The following EPB41L2 variants were observed in gnomAD, a reference collection of about 807,000 sequenced individuals.
EPB41L2 encodes the protein erythrocyte membrane protein band 4.1 like 2.
EPB41L2 carries 43 observed loss-of-function variants against 113.0 expected under a neutral mutation model. The observed-to-expected ratio is 0.38, with a 90% CI of 0.30 to 0.49. The LOEUF (loss-of-function observed/expected upper bound fraction) is 0.49. Among genes scored for constraint, EPB41L2 ranks in the 20% least tolerant of loss-of-function variants. The pLI, the probability that EPB41L2 is intolerant of heterozygous loss-of-function variation, is 0.95. For synonymous variants in EPB41L2, 442 were observed against 436.7 expected (o/e 1.01, Z -0.15); for missense variants, 1,147 against 1,223.4 (o/e 0.94, Z 0.93).
intron 4 of EPB41L2, among the ~76,000 whole-genome samples, chr6:130,920,976 A>G (rs1357154846): frequency 6.6e-6 from 1 of 152,078 alleles, no homozygotes; most frequent in East Asian, 1.9e-4. Context: ...TCCCTGTGTA[A>G]AAGTCTCCAT....
At chr6:131,011,029 C>T (rs6902768) in intron 1 of EPB41L2, among the ~76,000 whole-genome samples, 130,995 of 152,178 alleles carry the variant, frequency 0.86, 56,939 homozygotes, top group East Asian at 1. Context: ...TTTCCCTGAT[C>T]CAGTGTTAAG....
At chr6:130,918,250 A>C (rs765248493) in intron 4 of EPB41L2, among the ~76,000 whole-genome samples, 13 of 152,192 alleles carry the variant, frequency 8.5e-5, no homozygotes, top group Non-Finnish European at 1.8e-4. Flanking sequence ...GGTCTATTAG[A>C]TGACTGCTTC....
At chr6:131,043,708 A>G (rs534360387) in intron 1 of EPB41L2, among the ~76,000 whole-genome samples, 1 of 152,392 alleles carries the variant, frequency 6.6e-6, no homozygotes, top group East Asian at 1.9e-4. Flanking sequence ...AAACAAAGAC[A>G]AATGGAAATC....
chr6:130,892,218 A>C (rs1309483715), intron 10 of EPB41L2, among the ~76,000 whole-genome samples: 1 of 152,024 alleles, frequency 6.6e-6, no homozygotes, highest in Non-Finnish European at 1.5e-5. Context: ...CAGAATCAGG[A>C]AGCCCGGTCC....
chr6:130,901,211 G>A, intron 6 of EPB41L2, 31 bp from the exon 7 acceptor site: 1 of 1,591,848 alleles, frequency 6.3e-7, no homozygotes, highest in Non-Finnish European at 8.6e-7. Flanking sequence ...AATGGGTCAG[G>A]GGAGAACCAT....
At chr6:130,853,533 A>C (rs371525675) in intron 19 of EPB41L2, among the ~76,000 whole-genome samples, 1 of 152,210 alleles carries the variant, frequency 6.6e-6, no homozygotes, top group Non-Finnish European at 1.5e-5. Flanking sequence ...AAAAAGTTAC[A>C]AAGATTTAGT....
intron 3 of EPB41L2, among the ~76,000 whole-genome samples, chr6:130,954,591 A>T (rs934689522): frequency 9.2e-5 from 14 of 152,246 alleles, no homozygotes; most frequent in African/African-American, 3.4e-4. Flanking sequence ...TCTGATTGAC[A>T]TAAAATTATA....
rs181475251 is a variant in EPB41L2, at chr6:130,882,511, C to T, written c.1834-2305G>A. Reference sequence around the variant, plus strand: ...ACTCCACAAACTGAGCTTACGTAGGCATGCCAGCAACTACTTCCTCTTCCT... The same window carrying T: ...ACTCCACAAACTGAGCTTACGTAGGTATGCCAGCAACTACTTCCTCTTCCT... On this transcript the variant is annotated intron_variant, in intron 12 of 19. Transcript: ENST00000337057. 3 of 152,784 alleles carry T rather than the reference C, an allele frequency of 2.0e-5. No homozygotes were observed. In the East Asian group the frequency reaches 5.8e-4, roughly 29 times the overall value. The allele number at this position is 152,784 out of a possible 1,614,324, so 9.5% of individuals were successfully genotyped here.
At chr6:130,879,050 AT>A (rs951410497) in intron 13 of EPB41L2, among the ~76,000 whole-genome samples, 13 of 152,272 alleles carry the variant, frequency 8.5e-5, no homozygotes, top group African/African-American at 3.1e-4. Flanking sequence ...TATTTGTGGA[AT>A]TTTTTTCGAC....
At chr6:131,039,382 C>A (rs9372987) in intron 1 of EPB41L2, among the ~76,000 whole-genome samples, 22,799 of 152,168 alleles carry the variant, frequency 0.15, 2,339 homozygotes, top group East Asian at 0.43. Flanking sequence ...AATGAAGATG[C>A]TGTTTAACAC....
intron 1 of EPB41L2, among the ~76,000 whole-genome samples, chr6:130,993,282 T>C (rs1782303007): frequency 6.6e-6 from 1 of 152,106 alleles, no homozygotes; most frequent in African/African-American, 2.4e-5. Flanking sequence ...ATCTAGTGGC[T>C]ATAGATAAGA....
chr6:130,987,727 GAATGA>G (rs1329924414), intron 1 of EPB41L2, among the ~76,000 whole-genome samples: 2 of 151,786 alleles, frequency 1.3e-5, no homozygotes, highest in African/African-American at 4.8e-5. Context: ...ATGAATGAAT[GAATGA>G]ATGTTGTTCT....
At chr6:130,886,440 A>C (rs1242511255) in intron 11 of EPB41L2, among the ~76,000 whole-genome samples, 1 of 152,086 alleles carries the variant, frequency 6.6e-6, no homozygotes, top group East Asian at 1.9e-4. Context: ...AGCAAGTCCA[A>C]CAAGGTCCTT....
intron 4 of EPB41L2, among the ~76,000 whole-genome samples, chr6:130,925,474 C>A (rs1424413199): frequency 6.6e-6 from 1 of 152,148 alleles, no homozygotes; most frequent in Non-Finnish European, 1.5e-5. Context: ...CAGGCATGAA[C>A]CACCACGCTT....
chr6:130,953,958 T>TTGA (rs1360488826), intron 3 of EPB41L2, among the ~76,000 whole-genome samples: 2 of 137,248 alleles, frequency 1.5e-5, no homozygotes, highest in East Asian at 4.6e-4. Context: ...AATTACCCAG[T>TTGA]TGACGGTATT....
rs1212915677 is a variant in EPB41L2, at chr6:130,904,458, A to C, written c.929+7T>G. ...AAGGTTCATTTAAAAATGCAAATAT[A>C]AAGTACCTGGTGATATCTTCAGTCA... On this transcript the variant is annotated splice_region_variant and intron_variant, in intron 6 of 19. Coordinates refer to ENST00000337057, the MANE Select transcript of EPB41L2 (RefSeq NM_001431.4). 1 of 1,568,114 alleles carries C rather than the reference A, an allele frequency of 6.4e-7. No homozygotes were observed. Among genetic ancestry groups the C allele is most frequent in the Non-Finnish European group, 8.7e-7 (1 of 1,146,840 alleles).
At chr6:131,036,532 A>G (rs559378868) in intron 1 of EPB41L2, among the ~76,000 whole-genome samples, 5 of 152,370 alleles carry the variant, frequency 3.3e-5, no homozygotes, top group South Asian at 2.1e-4. Context: ...ATGGGATTCA[A>G]TGATTCTGGG....
At chr6:130,922,505 T>C (rs1464895112) in intron 4 of EPB41L2, among the ~76,000 whole-genome samples, 1 of 152,246 alleles carries the variant, frequency 6.6e-6, no homozygotes, top group African/African-American at 2.4e-5. Context: ...TATTTTTTCC[T>C]TCTCAGTTTT....
At chr6:130,878,276 G>A in intron 13 of EPB41L2, 26 bp from the exon 14 acceptor site, 3 of 1,571,088 alleles carry the variant, frequency 1.9e-6, no homozygotes, top group Non-Finnish European at 2.6e-6. Context: ...GTAACAAAGG[G>A]GGGAAAAATC....
Sources: allele counts gnomAD v4.1 joint callset (sites outside exome capture counted in the v4.1 genomes callset), GRCh38; gene constraint gnomAD v4.1.1; transcripts MANE v1.5; gene names NCBI Gene and HGNC (gene_info 2026-07-23, HGNC 2026-07-21).